MED12L: variants seen among roughly 807,000 people sequenced by gnomAD.
MED12L encodes the protein mediator complex subunit 12L, also known as mediator of RNA polymerase II transcription subunit 12-like protein.
Under a neutral mutation model 281.3 loss-of-function variants are expected in MED12L, and 60 were observed. That is an observed-to-expected ratio of 0.21 (90% confidence interval 0.17 to 0.26). The LOEUF (loss-of-function observed/expected upper bound fraction) is 0.26, where lower values mean the gene tolerates loss of function less well. Ranked by LOEUF, MED12L falls within the 10% of genes least tolerant of loss-of-function variation. The pLI is 1.00. For synonymous variants in MED12L, 974 were observed against 987.2 expected, an observed-to-expected ratio of 0.99 and a Z score of 0.25; for missense variants, 2,146 against 2,680.9, an observed-to-expected ratio of 0.80 and a Z score of 4.41.
rs140196540 is a variant in MED12L at position 151,398,073 on chromosome 3, A to G, written c.5820+3206A>G. On this transcript the variant is annotated intron_variant, in intron 39 of 44. Coordinates refer to ENST00000687756, the MANE Select transcript of MED12L (RefSeq NM_001393769.1). ...TTTCATCTGCTAAGCACACGGTACAATCTGTGAGCTGTGTATCAAATGAAT... is the reference window on the plus strand; with the variant it reads ...TTTCATCTGCTAAGCACACGGTACAGTCTGTGAGCTGTGTATCAAATGAAT... 3.0e-3 allele frequency among the ~76,000 whole-genome samples: 451 copies of G among 152,286 alleles called. 3 individuals are homozygous for G. Among genetic ancestry groups the G allele is most frequent in the African/African-American group, 0.011 (438 of 41,542 alleles).
intron 2 of MED12L, 82 bp downstream of exon 2, chr3:151,087,107 C>A: frequency 8.6e-7 from 1 of 1,162,912 alleles, no homozygotes. Context: ...CAGCGGGCAT[C>A]GCCGGCGCTG....
intron 11 of MED12L, among the ~76,000 whole-genome samples, chr3:151,166,395 G>A (rs920935222): frequency 2.0e-4 from 30 of 151,962 alleles, no homozygotes; most frequent in African/African-American, 5.1e-4. Context: ...TAGACAATGT[G>A]TTAGGGTTCT....
rs567256415 is a variant in MED12L at position 151,393,450 on chromosome 3, A to G, written c.5609-1206A>G. 2.0e-5 allele frequency among the ~76,000 whole-genome samples: 3 copies of G among 152,288 alleles called. No individual in the cohort carries two copies. The East Asian group carries it at 5.8e-4, about 29-fold the overall frequency. On this transcript the variant is annotated intron_variant, in intron 38 of 44. Coordinates refer to ENST00000687756, the MANE Select transcript of MED12L (RefSeq NM_001393769.1). ...TAGAGTAGAGGAAGAAGTCAAGTAT[A>G]TATTTGTCTCTGATAAGTGGAGGGA...
chr3:151,180,856 A>C (rs1447218758), intron 11 of MED12L, among the ~76,000 whole-genome samples: 1 of 152,254 alleles, frequency 6.6e-6, no homozygotes, highest in Non-Finnish European at 1.5e-5. Flanking sequence ...CAGTATACAC[A>C]TAGATACAAT....
intron 32 of MED12L, among the ~76,000 whole-genome samples, chr3:151,382,156 A>G (rs1354169163): frequency 4.6e-5 from 7 of 152,166 alleles, no homozygotes; most frequent in African/African-American, 1.7e-4. Context: ...GATGTCTGCA[A>G]TGCCATATTT....
intron 11 of MED12L, among the ~76,000 whole-genome samples, chr3:151,173,937 A>T (rs906611180): frequency 6.6e-6 from 1 of 152,200 alleles, no homozygotes; most frequent in Non-Finnish European, 1.5e-5. Context: ...CAAGCAGTAA[A>T]GTTTTTTGTA....
At chr3:151,308,283 G>A (rs1422711918) in intron 16 of MED12L, among the ~76,000 whole-genome samples, 2 of 151,926 alleles carry the variant, frequency 1.3e-5, no homozygotes, top group Non-Finnish European at 2.9e-5. Context: ...AGTCAGATCA[G>A]GAGATCTGTA....
At chr3:151,263,393 TGTG>T (rs1421461280) in intron 16 of MED12L, among the ~76,000 whole-genome samples, 1 of 152,228 alleles carries the variant, frequency 6.6e-6, no homozygotes, top group Non-Finnish European at 1.5e-5. Flanking sequence ...AATGTACAAA[TGTG>T]GTGTTCACAA....
intron 16 of MED12L, among the ~76,000 whole-genome samples, chr3:151,336,037 G>T (rs1750934702): frequency 6.6e-6 from 1 of 152,114 alleles, no homozygotes; most frequent in South Asian, 2.1e-4. Context: ...GTCAGTTTCA[G>T]TCCATGCTCT....
At chr3:151,112,637 G>A (rs1037126113) in intron 2 of MED12L, among the ~76,000 whole-genome samples, 3 of 152,108 alleles carry the variant, frequency 2.0e-5, no homozygotes, top group Non-Finnish European at 2.9e-5. Context: ...ATTTTAGAAC[G>A]AGAGCATTAT....
At chr3:151,268,724 G>A (rs963427760) in intron 16 of MED12L, among the ~76,000 whole-genome samples, 1 of 152,150 alleles carries the variant, frequency 6.6e-6, no homozygotes, top group Non-Finnish European at 1.5e-5. Context: ...AAGTGAGTCA[G>A]CAGTGTTTAC....
intron 16 of MED12L, among the ~76,000 whole-genome samples, chr3:151,248,465 G>C (rs1007262568): frequency 1.3e-5 from 2 of 151,920 alleles, no homozygotes; most frequent in African/African-American, 2.4e-5. Flanking sequence ...CAGTATATTC[G>C]TTCTTTATTG....
At chr3:151,305,679 A>C (rs917303908) in intron 16 of MED12L, among the ~76,000 whole-genome samples, 1 of 151,982 alleles carries the variant, frequency 6.6e-6, no homozygotes, top group Non-Finnish European at 1.5e-5. Context: ...TTGCAGTTCT[A>C]TTATACTGTT....
At chr3:151,261,843 G>C (rs980364944) in intron 16 of MED12L, among the ~76,000 whole-genome samples, 4 of 152,224 alleles carry the variant, frequency 2.6e-5, no homozygotes, top group Non-Finnish European at 2.9e-5. Context: ...TTGTGCCTCA[G>C]CCTCCCGAGT....
chr3:151,375,999 T>A (rs1371832431), intron 27 of MED12L, 27 bp from the exon 28 acceptor site: 3 of 1,296,632 alleles, frequency 2.3e-6, no homozygotes, highest in Non-Finnish European at 3.1e-6. Context: ...CCAGTGCCTG[T>A]CAATCTAATT....
chr3:151,213,963 G>T (rs189404685), intron 16 of MED12L: 1 of 1,614,060 alleles, frequency 6.2e-7, no homozygotes, highest in East Asian at 2.2e-5. Context: ...TATAATATCT[G>T]TCAAAGCTGA....
In MED12L at chr3:151,338,783, G is replaced by A. The variant is rs369698761; in HGVS notation, c.2251-11276G>A. On this transcript the variant is annotated intron_variant, in intron 16 of 44. Transcript: ENST00000687756. Reference sequence around the variant, plus strand: ...GTGGGAAGAGGACCTGGGTGATTTTGTAGTCTCTGGTGCACAGACTGGTGT... The same window carrying A: ...GTGGGAAGAGGACCTGGGTGATTTTATAGTCTCTGGTGCACAGACTGGTGT... 1.9e-5 allele frequency: 31 copies of A among 1,613,910 alleles called. No homozygotes were observed. In the African/African-American group the frequency reaches 3.6e-4, roughly 19 times the overall value.
chr3:151,211,605 A>C (rs1727176600), intron 16 of MED12L, among the ~76,000 whole-genome samples: 1 of 152,048 alleles, frequency 6.6e-6, no homozygotes, highest in Non-Finnish European at 1.5e-5. Context: ...TTTTTTTCTG[A>C]GTTTTGCCTA....
chr3:151,277,479 CTATT>C (rs1422030729), intron 16 of MED12L, among the ~76,000 whole-genome samples: 1 of 151,880 alleles, frequency 6.6e-6, no homozygotes, highest in East Asian at 1.9e-4. Context: ...AATATACAAA[CTATT>C]TATTTTTTTA....
Sources: gnomAD v4.1 joint callset for allele counts (sites outside exome capture counted in the v4.1 genomes callset) on GRCh38, gnomAD v4.1.1 for gene constraint, MANE v1.5 for transcripts, NCBI Gene and HGNC (gene_info 2026-07-23, HGNC 2026-07-21) for gene names.